Variants in CMSS1 observed in about 807,000 individuals in gnomAD.
CMSS1 encodes the protein protein CMSS1.
A neutral mutation model predicts 43.5 loss-of-function variants in CMSS1; 33 were observed. The ratio of observed to expected loss-of-function variants is 0.76; its 90% CI spans 0.57 to 1.01. CMSS1 has a LOEUF of 1.01. CMSS1 is among the 50% of genes least tolerant of loss of function. The pLI, the probability that CMSS1 is intolerant of heterozygous loss-of-function variation, is 0.00. For synonymous variants in CMSS1, 115 were observed against 117.2 expected (o/e 0.98, Z 0.12); for missense variants, 313 against 326.4 (o/e 0.96, Z 0.32).
intron 1 of CMSS1, among the ~76,000 whole-genome samples, chr3:99,972,970 A>G (rs1345719663): frequency 6.6e-6 from 1 of 152,220 alleles, no homozygotes; most frequent in East Asian, 1.9e-4. Flanking sequence ...ACCTTTGGCA[A>G]TAAAAGCTGA....
chr3:99,896,950 T>G lies in CMSS1; in HGVS notation c.64+78907T>G, dbSNP rs142442576. 3.9e-5 allele frequency among the ~76,000 whole-genome samples: 6 copies of G among 152,348 alleles called. No individual in the cohort carries two copies. In the East Asian group the frequency reaches 1.2e-3, roughly 29 times the overall value. On this transcript the variant is annotated intron_variant, in intron 1 of 9. Transcript: ENST00000421999. ...TGGCTAATAAATAGAAAATGTATTT[T>G]CAGTCGCAAAATTTAATTATGGCCA...
chr3:100,172,319 C>T lies in CMSS1; in HGVS notation c.583C>T (p.Gln195Ter). 6.2e-7 allele frequency: 1 copy of T among 1,613,536 alleles called. No homozygotes were observed. Among genetic ancestry groups the T allele is most frequent in the Non-Finnish European group, 8.5e-7 (1 of 1,179,610 alleles). The change falls in exon 8 of 10, where the codon CAG becomes TAG. Residue 195 changes from glutamine to a stop codon, truncating the protein, a stop_gained. Coordinates refer to ENST00000421999, the MANE Select transcript of CMSS1 (RefSeq NM_032359.4). LOFTEE classifies it high-confidence loss of function. Reference protein sequence around the residue: ...IKLFAKHIKVQAQVKLLEKRV... With the variant: ...IKLFAKHIKV ...CTTCTCTTTCATCTTGGAACAGGTC[C>T]AGGCGCAGGTAAAGTTGCTGGAGAA...
chr3:99,940,470 G>A (rs1336733081), intron 1 of CMSS1, among the ~76,000 whole-genome samples: 2 of 152,152 alleles, frequency 1.3e-5, no homozygotes, highest in East Asian at 3.9e-4. Context: ...GGACCTTGGA[G>A]CCAGTTTTGT....
chr3:99,876,423 G>T (rs558361608), intron 1 of CMSS1, among the ~76,000 whole-genome samples: 1 of 152,330 alleles, frequency 6.6e-6, no homozygotes, highest in South Asian at 2.1e-4. Flanking sequence ...CCTCCTGTCG[G>T]GCTAACAAAG....
chr3:99,953,038 C>T (rs1708222939), intron 1 of CMSS1, among the ~76,000 whole-genome samples: 1 of 151,986 alleles, frequency 6.6e-6, no homozygotes, highest in Non-Finnish European at 1.5e-5. Context: ...TTTTCTCTAT[C>T]AAGTGCCAGA....
At chr3:99,977,617 AT>A in intron 1 of CMSS1, among the ~76,000 whole-genome samples, 1 of 152,282 alleles carries the variant, frequency 6.6e-6, no homozygotes, top group Non-Finnish European at 1.5e-5. Flanking sequence ...AAATTAGTTG[AT>A]TTTTTTAGTA....
chr3:99,848,388 A>G lies in CMSS1; in HGVS notation c.64+30345A>G. 5 of 1,614,034 alleles carry G rather than the reference A, an allele frequency of 3.1e-6. No individual in the cohort carries two copies. In the South Asian group the frequency reaches 5.5e-5, roughly 18 times the overall value. On this transcript the variant is annotated intron_variant, in intron 1 of 9. Coordinates refer to ENST00000421999, the MANE Select transcript of CMSS1 (RefSeq NM_032359.4). The stretch of plus-strand genomic sequence containing the variant: ...TGGTTGTTTTGTTTAGTGCCCCGTT[A>G]ATTAAGCCTTGAGTTCGGTTATCCT...
intron 1 of CMSS1, among the ~76,000 whole-genome samples, chr3:99,985,452 A>G (rs1276174440): frequency 6.6e-6 from 1 of 152,124 alleles, no homozygotes; most frequent in Non-Finnish European, 1.5e-5. Flanking sequence ...TTGAGCCAAG[A>G]TCATACCACT....
chr3:100,166,507 C>T, intron 5 of CMSS1, 113 bp downstream of exon 5: 1 of 673,200 alleles, frequency 1.5e-6, no homozygotes, highest in Non-Finnish European at 2.6e-6. Flanking sequence ...CATTATTGCT[C>T]TAGGAATCCA....
At chr3:99,844,265 G>T (rs530679499) in intron 1 of CMSS1, among the ~76,000 whole-genome samples, 1 of 152,274 alleles carries the variant, frequency 6.6e-6, no homozygotes, top group Non-Finnish European at 1.5e-5. Context: ...CGCCCCCAGA[G>T]GTTCTCATTG....
intron 1 of CMSS1, among the ~76,000 whole-genome samples, chr3:100,113,422 G>C (rs771217481): frequency 6.6e-6 from 1 of 152,168 alleles, no homozygotes. Flanking sequence ...TTCTTGATAG[G>C]TATCTCCCAA....
At chr3:99,872,621 T>C (rs1944858391) in intron 1 of CMSS1, among the ~76,000 whole-genome samples, 1 of 152,066 alleles carries the variant, frequency 6.6e-6, no homozygotes, top group East Asian at 1.9e-4. Flanking sequence ...AAAAAAATTC[T>C]ATACTTAACA....
At chr3:99,869,963 A>G (rs1348743036) in intron 1 of CMSS1, among the ~76,000 whole-genome samples, 1 of 152,196 alleles carries the variant, frequency 6.6e-6, no homozygotes, top group East Asian at 1.9e-4. Flanking sequence ...CCCAAGTGCT[A>G]CAGCTGTGTT....
chr3:100,156,867 G>A (rs1192885035), intron 2 of CMSS1, among the ~76,000 whole-genome samples: 6 of 151,452 alleles, frequency 4.0e-5, no homozygotes, highest in African/African-American at 1.5e-4. Flanking sequence ...CACCTGCCTC[G>A]GCCTCCCAAA....
At chr3:100,011,424 A>G (rs1710153376) in intron 1 of CMSS1, among the ~76,000 whole-genome samples, 3 of 152,188 alleles carry the variant, frequency 2.0e-5, no homozygotes, top group Admixed American at 2.0e-4. Context: ...ATAAAAAGAT[A>G]TAATTTAAAA....
At chr3:100,054,529 T>TATGTTATGTC (rs1408538607) in intron 1 of CMSS1, among the ~76,000 whole-genome samples, 237 of 151,704 alleles carry the variant, frequency 1.6e-3, no homozygotes, top group Non-Finnish European at 1.7e-3. Flanking sequence ...TATGTTATGT[T>TATGTTATGTC]ATGTTATGTT....
chr3:100,028,378 C>T (rs1032730379), intron 1 of CMSS1, among the ~76,000 whole-genome samples: 1 of 152,090 alleles, frequency 6.6e-6, no homozygotes, highest in Non-Finnish European at 1.5e-5. Flanking sequence ...TCAAGATAAG[C>T]ATTTAGGAGG....
At chr3:99,864,981 T>C (rs1168132380) in intron 1 of CMSS1, among the ~76,000 whole-genome samples, 2 of 152,166 alleles carry the variant, frequency 1.3e-5, no homozygotes, top group Admixed American at 6.5e-5. Flanking sequence ...ATATTTCTGG[T>C]AGGGAACAGT....
intron 1 of CMSS1, among the ~76,000 whole-genome samples, chr3:100,014,431 A>G (rs562065242): frequency 2.8e-4 from 42 of 152,088 alleles, no homozygotes; most frequent in African/African-American, 8.9e-4. Flanking sequence ...TATTTTCTGT[A>G]ATAGCTATTA....
Sources: allele counts gnomAD v4.1 joint callset (sites outside exome capture counted in the v4.1 genomes callset), GRCh38; gene constraint gnomAD v4.1.1; transcripts MANE v1.5; gene names NCBI Gene and HGNC (gene_info 2026-07-23, HGNC 2026-07-21).